Variants in GNG2 observed in about 807,000 individuals in gnomAD.
The protein encoded by GNG2 is guanine nucleotide-binding protein G(I)/G(S)/G(O) subunit gamma-2.
A neutral mutation model predicts 5.5 loss-of-function variants in GNG2; 5 were observed. The ratio of observed to expected loss-of-function variants is 0.91; its 90% CI spans 0.48 to 1.92. GNG2 has a LOEUF of 1.92. Among genes scored for constraint, GNG2 ranks in the 30% most tolerant of loss-of-function variants. The probability of loss-of-function intolerance (pLI) is 0.01; values close to 1 mark genes in which losing one functional copy is unlikely to be tolerated. For synonymous variants in GNG2, 28 were observed against 32.0 expected (o/e 0.88, Z 0.42); for missense variants, 55 against 88.4 (o/e 0.62, Z 1.52).
At chr14:51,948,494 T>C (rs1003336977) in intron 2 of GNG2, among the ~76,000 whole-genome samples, 1 of 152,148 alleles carries the variant, frequency 6.6e-6, no homozygotes, top group Non-Finnish European at 1.5e-5. Context: ...GCTTGTAGAT[T>C]GTGGCTGCAT....
At chr14:51,913,687 C>T (rs1351914841) in intron 2 of GNG2, among the ~76,000 whole-genome samples, 2 of 152,104 alleles carry the variant, frequency 1.3e-5, no homozygotes, top group African/African-American at 4.8e-5. Context: ...GGAGGAGCAA[C>T]TGATCAAAAA....
chr14:51,866,429 T>C (rs1476840721), intron 1 of GNG2, among the ~76,000 whole-genome samples: 2 of 152,266 alleles, frequency 1.3e-5, no homozygotes, highest in Non-Finnish European at 2.9e-5. Context: ...ACTTTCTGTC[T>C]TTCTGAGAAG....
At chr14:51,903,817 G>A (rs188261470) in intron 2 of GNG2, among the ~76,000 whole-genome samples, 32 of 152,248 alleles carry the variant, frequency 2.1e-4, no homozygotes, top group Admixed American at 1.5e-3. Flanking sequence ...TCTATGGTTT[G>A]GGAAGAACTC....
rs557550655 is a variant in GNG2 at position 51,895,409 on chromosome 14, T to G, written c.-30+17752T>G. Among the ~76,000 whole-genome samples the G allele has an allele frequency of 1.3e-3, 204 of 152,338 alleles. 1 individual carries two copies. The highest frequency in any genetic ancestry group is 4.8e-3 in the African/African-American group (199 of 41,580). On this transcript the variant is annotated intron_variant, in intron 2 of 3. Coordinates refer to ENST00000556766, the MANE Select transcript of GNG2 (RefSeq NM_053064.5). Reference sequence around the variant, plus strand: ...AGGTAGACAATATTTCCAGAATTCATTAAAGATGTGGCCTATGTATTAGGA... The same window carrying G: ...AGGTAGACAATATTTCCAGAATTCAGTAAAGATGTGGCCTATGTATTAGGA...
chr14:51,887,231 T>C (rs1884522327), intron 2 of GNG2, among the ~76,000 whole-genome samples: 1 of 152,144 alleles, frequency 6.6e-6, no homozygotes, highest in African/African-American at 2.4e-5. Flanking sequence ...CTACAAAAAC[T>C]AGCTGGACCC....
intron 2 of GNG2, among the ~76,000 whole-genome samples, chr14:51,889,701 G>A (rs1235779546): frequency 1.3e-5 from 2 of 152,112 alleles, no homozygotes; most frequent in African/African-American, 4.8e-5. Context: ...TCCAGGTGTT[G>A]AGCACAATGT....
intron 2 of GNG2, among the ~76,000 whole-genome samples, chr14:51,911,937 G>A (rs2140203931): frequency 6.8e-6 from 1 of 147,444 alleles, no homozygotes; most frequent in East Asian, 2.1e-4. Flanking sequence ...TAAAGTAATT[G>A]CTTAGTAAAT....
At chr14:51,934,943 T>C (rs1461906893) in intron 2 of GNG2, among the ~76,000 whole-genome samples, 1 of 152,162 alleles carries the variant, frequency 6.6e-6, no homozygotes, top group African/African-American at 2.4e-5. Context: ...CAGGGAGCCT[T>C]TGTAGTCAAA....
At chr14:51,916,449 C>T (rs754761098) in intron 2 of GNG2, 2 of 453,550 alleles carry the variant, frequency 4.4e-6, no homozygotes, top group South Asian at 3.1e-5. Flanking sequence ...ATATTTCGGT[C>T]TCTAGGATGC....
intron 2 of GNG2, among the ~76,000 whole-genome samples, chr14:51,918,194 G>A (rs929335436): frequency 2.0e-5 from 3 of 152,090 alleles, no homozygotes; most frequent in South Asian, 2.1e-4. Context: ...AGACACCTGC[G>A]GAGGTGGTGA....
intron 2 of GNG2, among the ~76,000 whole-genome samples, chr14:51,948,905 A>C (rs1156711984): frequency 1.3e-5 from 2 of 152,076 alleles, no homozygotes; most frequent in Admixed American, 1.3e-4. Flanking sequence ...GCGGATCACG[A>C]GGTCAGGAGA....
intron 2 of GNG2, among the ~76,000 whole-genome samples, chr14:51,893,918 C>A (rs2140165741): frequency 6.6e-6 from 1 of 152,114 alleles, no homozygotes; most frequent in South Asian, 2.1e-4. Flanking sequence ...GGATCAATTT[C>A]TGTACTTTTT....
At chr14:51,845,135 A>T (rs934224401) in intron 2 of GNG2, among the ~76,000 whole-genome samples, 3 of 152,220 alleles carry the variant, frequency 2.0e-5, no homozygotes, top group South Asian at 4.1e-4. Context: ...CTCTCTTAAA[A>T]ATCTGTTTCT....
At chr14:51,881,033 C>T (rs185514442) in intron 2 of GNG2, among the ~76,000 whole-genome samples, 12 of 148,048 alleles carry the variant, frequency 8.1e-5, no homozygotes, top group Non-Finnish European at 1.6e-4. Context: ...TTTATAGTCA[C>T]AAGCCCTAGC....
intron 3 of GNG2, among the ~76,000 whole-genome samples, chr14:51,955,705 A>G (rs1300014763): frequency 6.6e-6 from 1 of 152,252 alleles, no homozygotes; most frequent in Admixed American, 6.5e-5. Flanking sequence ...AATATTTTTT[A>G]AAAGGATGGA....
At chr14:51,930,105 G>A (rs1233352111) in intron 2 of GNG2, among the ~76,000 whole-genome samples, 4 of 152,218 alleles carry the variant, frequency 2.6e-5, no homozygotes, top group Admixed American at 6.5e-5. Context: ...CCAAGCAAAC[G>A]ATGCCCTAAG....
At chr14:51,940,501 C>T (rs575871593) in intron 2 of GNG2, 1 of 152,432 alleles carries the variant, frequency 6.6e-6, no homozygotes, top group East Asian at 1.9e-4. Context: ...TGTTCTTCAT[C>T]TCAAACCTCC....
At chr14:51,833,750 A>G (rs1313226085) in intron 2 of GNG2, among the ~76,000 whole-genome samples, 1 of 152,254 alleles carries the variant, frequency 6.6e-6, no homozygotes, top group Non-Finnish European at 1.5e-5. Flanking sequence ...TCCACATTCT[A>G]TAGACTATCA....
chr14:51,876,583 C>T (rs976389811), intron 1 of GNG2, among the ~76,000 whole-genome samples: 4 of 152,020 alleles, frequency 2.6e-5, no homozygotes, highest in Admixed American at 6.6e-5. Flanking sequence ...GTTCATTCTC[C>T]GAAAATAAGT....
Sources: gnomAD v4.1 joint callset for allele counts (sites outside exome capture counted in the v4.1 genomes callset) on GRCh38, gnomAD v4.1.1 for gene constraint, MANE v1.5 for transcripts, NCBI Gene and HGNC (gene_info 2026-07-23, HGNC 2026-07-21) for gene names.